Variants in RUNX2 observed in about 807,000 individuals in gnomAD.
RUNX2 encodes the protein RUNX family transcription factor 2.
Under a neutral mutation model 51.7 loss-of-function variants are expected in RUNX2, and 10 were observed. The observed-to-expected ratio is 0.19, with a 90% CI of 0.12 to 0.33. The LOEUF is 0.33. Ranked by LOEUF, RUNX2 falls within the 10% of genes least tolerant of loss-of-function variation. The pLI, the probability that RUNX2 is intolerant of heterozygous loss-of-function variation, is 1.00. For synonymous variants in RUNX2, 276 were observed against 273.6 expected, an observed-to-expected ratio of 1.01 and a Z score of -0.09; for missense variants, 562 against 691.3, an observed-to-expected ratio of 0.81 and a Z score of 2.10.
At chr6:45,384,107 G>A (rs963885023) in intron 2 of RUNX2, among the ~76,000 whole-genome samples, 5 of 152,232 alleles carry the variant, frequency 3.3e-5, no homozygotes, top group African/African-American at 1.2e-4. Flanking sequence ...TGCTGGGCAA[G>A]TTATTCAACT....
chr6:45,512,297 C>G lies in RUNX2; in HGVS notation c.911C>G (p.Pro304Arg), dbSNP rs748242152. The G allele has an allele frequency of 9.3e-6, 15 of 1,614,040 alleles. No homozygotes were observed. In the East Asian group the frequency reaches 3.1e-4, roughly 34 times the overall value. ...CCGTGGTCCTATGACCAGTCTTACC[C>G]CTCCTACCTGAGCCAGATGACGTCC... is the stretch of plus-strand genomic sequence containing the variant. Reference protein sequence around the residue: ...SPPWSYDQSYPSYLSQMTSPS... With the variant: ...SPPWSYDQSYRSYLSQMTSPS... The change falls in exon 7 of 9, where the codon CCC becomes CGC. Residue 304 changes from proline (P) to arginine (R), a missense_variant. Pro to Arg is a moderately radical substitution (Grantham distance 103). This residue lies in a region of RUNX2 where 304 missense variants were observed against 353.2 expected (regional missense o/e 0.86). Coordinates refer to ENST00000647337, the MANE Select transcript of RUNX2 (RefSeq NM_001024630.4).
chr6:45,547,461 T>C lies in RUNX2; in HGVS notation c.*156T>C, dbSNP rs1197909452. ...TTTTCATTCACTCACTCAGTCATGA[T>C]CTTGCAGCCATAAGAGGGTAGATAT... On this transcript the variant is annotated 3_prime_UTR_variant, in exon 9 of 9. Coordinates refer to ENST00000647337, the MANE Select transcript of RUNX2 (RefSeq NM_001024630.4). 1.5e-6 allele frequency: 1 copy of C among 682,778 alleles called. No homozygotes were observed. Among genetic ancestry groups the C allele is most frequent in the Non-Finnish European group, 2.6e-6 (1 of 387,458 alleles). 42.3% of individuals were successfully genotyped at this position (682,778 alleles called of 1,614,324 possible). A position where few individuals can be genotyped will look rare whatever the true frequency, so the allele number is the denominator to read the frequency against.
intron 2 of RUNX2, among the ~76,000 whole-genome samples, chr6:45,387,238 A>G (rs1312552612): frequency 6.6e-6 from 1 of 152,202 alleles, no homozygotes; most frequent in Non-Finnish European, 1.5e-5. Context: ...TTTTGGACAT[A>G]TGTTTGAGGT....
chr6:45,403,312 C>T (rs1797760395), intron 2 of RUNX2, among the ~76,000 whole-genome samples: 1 of 148,708 alleles, frequency 6.7e-6, no homozygotes, highest in Non-Finnish European at 1.5e-5. Context: ...CGGCTCACTG[C>T]AAACTCCGCC....
chr6:45,505,335 G>C (rs1382036578), intron 6 of RUNX2, among the ~76,000 whole-genome samples: 3 of 151,218 alleles, frequency 2.0e-5, no homozygotes, highest in African/African-American at 7.3e-5. Context: ...TGTTTTCCCG[G>C]AGTCAGTTCA....
intron 2 of RUNX2, among the ~76,000 whole-genome samples, chr6:45,384,741 C>T (rs1318308401): frequency 8.9e-6 from 1 of 112,772 alleles, no homozygotes; most frequent in Non-Finnish European, 1.7e-5. Context: ...TTTTAAAGAC[C>T]GGGTCTCACT....
At chr6:45,487,748 C>G (rs1331074227) in intron 5 of RUNX2, among the ~76,000 whole-genome samples, 1 of 152,146 alleles carries the variant, frequency 6.6e-6, no homozygotes, top group Non-Finnish European at 1.5e-5. Context: ...ATTTACTGAG[C>G]ACCCACTCTG....
intron 2 of RUNX2, among the ~76,000 whole-genome samples, chr6:45,332,634 C>G (rs971872027): frequency 4.6e-5 from 7 of 151,656 alleles, no homozygotes; most frequent in Non-Finnish European, 1.0e-4. Context: ...ATACTATTAC[C>G]TAACAAAAAT....
intron 3 of RUNX2, among the ~76,000 whole-genome samples, chr6:45,427,832 G>T (rs1023499205): frequency 5.9e-5 from 9 of 152,222 alleles, no homozygotes; most frequent in Non-Finnish European, 8.8e-5. Context: ...CACAGATTTA[G>T]TCATAAGGAG....
intron 5 of RUNX2, among the ~76,000 whole-genome samples, chr6:45,469,686 C>G (rs891973549): frequency 4.6e-5 from 7 of 152,214 alleles, no homozygotes; most frequent in Admixed American, 2.0e-4. Flanking sequence ...CCTGTTTTCT[C>G]CCTTTATTCA....
At chr6:45,380,639 C>T (rs1420542405) in intron 2 of RUNX2, among the ~76,000 whole-genome samples, 1 of 152,160 alleles carries the variant, frequency 6.6e-6, no homozygotes, top group African/African-American at 2.4e-5. Context: ...TGCAGTGGCC[C>T]GATCTCGGCT....
At chr6:45,459,213 A>T (rs1028614430) in intron 5 of RUNX2, among the ~76,000 whole-genome samples, 13 of 152,260 alleles carry the variant, frequency 8.5e-5, no homozygotes, top group African/African-American at 3.1e-4. Flanking sequence ...ATGGTCACAT[A>T]CATCATGATC....
intron 5 of RUNX2, among the ~76,000 whole-genome samples, chr6:45,469,105 A>G (rs987847425): frequency 6.6e-6 from 1 of 152,236 alleles, no homozygotes; most frequent in Non-Finnish European, 1.5e-5. Flanking sequence ...TGCAGCATCC[A>G]GATGTGGCAC....
intron 2 of RUNX2, chr6:45,422,316 T>G: frequency 3.0e-5 from 11 of 361,954 alleles, no homozygotes; most frequent in Non-Finnish European, 4.5e-5. Context: ...ACCCCGGGTG[T>G]TCCAAAGACT....
At chr6:45,362,165 C>G (rs1794376468) in intron 2 of RUNX2, among the ~76,000 whole-genome samples, 1 of 152,192 alleles carries the variant, frequency 6.6e-6, no homozygotes, top group Non-Finnish European at 1.5e-5. Flanking sequence ...AATACTAGGA[C>G]AGATTGGTTG....
intron 5 of RUNX2, among the ~76,000 whole-genome samples, chr6:45,490,914 A>G (rs1299527594): frequency 1.3e-5 from 2 of 152,080 alleles, no homozygotes; most frequent in South Asian, 2.1e-4. Flanking sequence ...CTGTTTCTCT[A>G]TTAGCATTGC....
intron 8 of RUNX2, 147 bp downstream of exon 8, chr6:45,545,429 C>T: frequency 1.1e-6 from 1 of 882,332 alleles, no homozygotes; most frequent in South Asian, 2.0e-5. Flanking sequence ...GGCACTTAAC[C>T]CTTGCATTTT....
intron 2 of RUNX2, among the ~76,000 whole-genome samples, chr6:45,369,353 C>T (rs1313208096): frequency 6.6e-6 from 1 of 152,110 alleles, no homozygotes; most frequent in Non-Finnish European, 1.5e-5. Flanking sequence ...AAGAAACCTT[C>T]CCAGATATGT....
At chr6:45,507,286 C>T (rs1488173699) in intron 6 of RUNX2, among the ~76,000 whole-genome samples, 7 of 152,080 alleles carry the variant, frequency 4.6e-5, no homozygotes, top group African/African-American at 1.7e-4. Context: ...TCTTGTTTGT[C>T]GTTAATTAGT....
Sources: allele counts gnomAD v4.1 joint callset (sites outside exome capture counted in the v4.1 genomes callset), GRCh38; gene constraint gnomAD v4.1.1; regional missense constraint gnomAD v4.1.1; transcripts MANE v1.5; gene names NCBI Gene and HGNC (gene_info 2026-07-23, HGNC 2026-07-21).